Variants in NDUFAF2 observed in about 807,000 individuals in gnomAD.
NDUFAF2 encodes NADH:ubiquinone oxidoreductase complex assembly factor 2.
Under a neutral mutation model 22.8 loss-of-function variants are expected in NDUFAF2, and 13 were observed. The ratio of observed to expected loss-of-function variants is 0.57; its 90% CI spans 0.37 to 0.91. NDUFAF2 has a LOEUF of 0.91. NDUFAF2 is among the 40% of genes least tolerant of loss of function. The pLI is 0.01. For missense variants in NDUFAF2, 162 were observed against 195.2 expected (o/e 0.83, Z 1.01); for synonymous variants, 53 against 64.2 (o/e 0.83, Z 0.84).
intron 3 of NDUFAF2, among the ~76,000 whole-genome samples, chr5:61,122,390 A>G (rs1752987347): frequency 6.6e-6 from 1 of 152,210 alleles, no homozygotes; most frequent in African/African-American, 2.4e-5. Flanking sequence ...GCATAACAAA[A>G]TATGATAGGT....
intron 2 of NDUFAF2, among the ~76,000 whole-genome samples, chr5:61,096,285 A>G (rs1752638205): frequency 6.6e-6 from 1 of 152,192 alleles, no homozygotes; most frequent in Non-Finnish European, 1.5e-5. Context: ...ACAACCTTAC[A>G]GACTCACAAG....
At chr5:61,125,399 A>G (rs1028937115) in intron 3 of NDUFAF2, among the ~76,000 whole-genome samples, 5 of 152,038 alleles carry the variant, frequency 3.3e-5, no homozygotes, top group African/African-American at 4.8e-5. Context: ...ATACAGTGGC[A>G]GGCTCTGGAA....
chr5:61,010,009 A>G (rs572380833), intron 1 of NDUFAF2, among the ~76,000 whole-genome samples: 74 of 152,196 alleles, frequency 4.9e-4, no homozygotes, highest in South Asian at 1.7e-3. Context: ...CTTACTCCCA[A>G]TGTTCCTTCA....
At chr5:61,031,212 C>T (rs187338150) in intron 1 of NDUFAF2, among the ~76,000 whole-genome samples, 3 of 152,012 alleles carry the variant, frequency 2.0e-5, no homozygotes, top group South Asian at 2.1e-4. Flanking sequence ...ATGTGCAGAA[C>T]GTTGCAGGTT....
chr5:61,004,165 G>T (rs958894655), intron 1 of NDUFAF2, among the ~76,000 whole-genome samples: 29 of 151,998 alleles, frequency 1.9e-4, no homozygotes, highest in African/African-American at 6.8e-4. Context: ...ATGTGGCTGT[G>T]TTCACTAAGT....
At chr5:60,981,877 G>C (rs1167314056) in intron 1 of NDUFAF2, among the ~76,000 whole-genome samples, 1 of 152,116 alleles carries the variant, frequency 6.6e-6, no homozygotes, top group Non-Finnish European at 1.5e-5. Flanking sequence ...TTAATAAATG[G>C]TGCTGGGAAA....
At chr5:60,986,928 CTT>C (rs1374258581) in intron 1 of NDUFAF2, among the ~76,000 whole-genome samples, 2 of 130,814 alleles carry the variant, frequency 1.5e-5, no homozygotes, top group African/African-American at 5.7e-5. Context: ...GTGTGAGACT[CTT>C]TTGTCTCAAA....
At chr5:61,056,788 C>T (rs1273534563) in intron 1 of NDUFAF2, among the ~76,000 whole-genome samples, 1 of 147,582 alleles carries the variant, frequency 6.8e-6, no homozygotes, top group Non-Finnish European at 1.5e-5. Context: ...ACTCAGGAGG[C>T]TGAGGCATGA....
At chr5:60,956,382 T>C (rs1416771097) in intron 1 of NDUFAF2, among the ~76,000 whole-genome samples, 1 of 152,102 alleles carries the variant, frequency 6.6e-6, no homozygotes, top group African/African-American at 2.4e-5. Context: ...AGAACTTCTG[T>C]TTTTGAATAG....
chr5:61,012,879 A>T (rs373997390), intron 1 of NDUFAF2, among the ~76,000 whole-genome samples: 1 of 152,124 alleles, frequency 6.6e-6, no homozygotes, highest in Non-Finnish European at 1.5e-5. Flanking sequence ...TATTTCTTCT[A>T]TAGTAGTTTC....
chr5:61,006,162 C>G (rs542313502), intron 1 of NDUFAF2, among the ~76,000 whole-genome samples: 1 of 152,276 alleles, frequency 6.6e-6, no homozygotes, highest in South Asian at 2.1e-4. Context: ...CTACATATGG[C>G]TAGCCAGTTT....
intron 1 of NDUFAF2, among the ~76,000 whole-genome samples, chr5:61,010,257 A>G (rs1330890401): frequency 2.0e-5 from 3 of 152,074 alleles, no homozygotes; most frequent in African/African-American, 7.2e-5. Flanking sequence ...ACTTTGTACC[A>G]TCCTTAGGAT....
At chr5:60,994,459 A>G (rs1580085347) in intron 1 of NDUFAF2, among the ~76,000 whole-genome samples, 1 of 152,296 alleles carries the variant, frequency 6.6e-6, no homozygotes, top group East Asian at 1.9e-4. Flanking sequence ...CAGGGCTCCC[A>G]CTTTTTCCCA....
At chr5:61,000,643 G>T (rs889398500) in intron 1 of NDUFAF2, among the ~76,000 whole-genome samples, 1 of 92,192 alleles carries the variant, frequency 1.1e-5, no homozygotes, top group Non-Finnish European at 2.2e-5. Flanking sequence ...GCTCTCTTTC[G>T]GTTCTCATTT....
rs577190910 is a variant in NDUFAF2 at position 61,011,556 on chromosome 5, G to T, written c.128-61569G>T. On this transcript the variant is annotated intron_variant, in intron 1 of 3. Coordinates refer to ENST00000296597, the MANE Select transcript of NDUFAF2 (RefSeq NM_174889.5). ...TGTTGCTGCGTGGTGGCTGCCATAA[G>T]GTAGGTCTTCACTGAACTAGTTCTG... Among the ~76,000 whole-genome samples the T allele has an allele frequency of 4.3e-3, 656 of 152,162 alleles. 5 individuals carry two copies. The highest frequency in any genetic ancestry group is 0.015 in the African/African-American group (611 of 41,532).
intron 3 of NDUFAF2, among the ~76,000 whole-genome samples, chr5:61,134,211 G>T (rs1297715163): frequency 1.3e-5 from 2 of 151,942 alleles, no homozygotes; most frequent in East Asian, 3.9e-4. Flanking sequence ...TGGAGAAAGA[G>T]ATGCACATGT....
In NDUFAF2 at chr5:61,107,042, AAT is replaced by A. The variant is rs1249515499; in HGVS notation, c.258+8014_258+8015del. On this transcript the variant is annotated intron_variant, in intron 3 of 3. Transcript: ENST00000296597. ...ATTCTGATTTCCTTTCCTTTGGATA[AAT>A]ATACACACACACACACACACACACA... is the stretch of plus-strand genomic sequence containing the variant. Among the ~76,000 whole-genome samples the A allele has an allele frequency of 1.6e-3, 111 of 71,542 alleles. 4 individuals are homozygous for A. The highest frequency in any genetic ancestry group is 3.9e-3 in the South Asian group (11 of 2,812). 46.9% of individuals were successfully genotyped at this position (71,542 alleles called of 152,430 possible).
chr5:61,090,879 T>C (rs1752558581), intron 2 of NDUFAF2, among the ~76,000 whole-genome samples: 1 of 151,958 alleles, frequency 6.6e-6, no homozygotes, highest in Admixed American at 6.6e-5. Flanking sequence ...GTGTTGTTCC[T>C]CTCTAGGTGT....
At chr5:61,052,213 C>T (rs1414771721) in intron 1 of NDUFAF2, among the ~76,000 whole-genome samples, 1 of 152,078 alleles carries the variant, frequency 6.6e-6, no homozygotes, top group Non-Finnish European at 1.5e-5. Flanking sequence ...ATATTCCAAA[C>T]AGTATGAGAG....
Sources: gnomAD v4.1 joint callset for allele counts (sites outside exome capture counted in the v4.1 genomes callset) on GRCh38, gnomAD v4.1.1 for gene constraint, MANE v1.5 for transcripts, NCBI Gene and HGNC (gene_info 2026-07-23, HGNC 2026-07-21) for gene names.